The following TNIK variants were observed in gnomAD, a reference collection of about 807,000 sequenced individuals.
TNIK encodes TRAF2 and NCK interacting kinase.
Under a neutral mutation model 191.3 loss-of-function variants are expected in TNIK, and 49 were observed. That is an observed-to-expected ratio of 0.26 (90% CI 0.20 to 0.32). The LOEUF (loss-of-function observed/expected upper bound fraction) is 0.32. Among genes scored for constraint, TNIK ranks in the 10% least tolerant of loss-of-function variants. The pLI is 1.00. For synonymous variants in TNIK, 594 were observed against 600.9 expected, an observed-to-expected ratio of 0.99 and a Z score of 0.17; for missense variants, 1,155 against 1,702.3, an observed-to-expected ratio of 0.68 and a Z score of 5.66.
At chr3:171,072,447 G>A (rs1211694885) in intron 28 of TNIK, among the ~76,000 whole-genome samples, 1 of 151,992 alleles carries the variant, frequency 6.6e-6, no homozygotes, top group Non-Finnish European at 1.5e-5. Context: ...AATAATAAGA[G>A]CCATATATGA....
chr3:171,238,375 A>G (rs1744560341), intron 2 of TNIK, among the ~76,000 whole-genome samples: 1 of 152,054 alleles, frequency 6.6e-6, no homozygotes, highest in Non-Finnish European at 1.5e-5. Context: ...CATTGTAAAT[A>G]TATACATATG....
rs957491812 is a variant in TNIK at position 171,166,898 on chromosome 3, A to AT, written c.949+196dup. 6.8e-4 allele frequency among the ~76,000 whole-genome samples: 103 copies of AT among 152,172 alleles called. 2 individuals carry two copies. The highest frequency in any genetic ancestry group is 6.6e-3 in the Admixed American group (101 of 15,282). ...CAGAGGTAATGTTTCTTGCAGTTCT[A>AT]TTTTTTTCATGAAAGATTCTACTTC... On this transcript the variant is annotated intron_variant, in intron 10 of 32. Coordinates refer to ENST00000436636, the MANE Select transcript of TNIK (RefSeq NM_015028.4).
intron 1 of TNIK, among the ~76,000 whole-genome samples, chr3:171,458,976 GC>G (rs1441573901): frequency 1.3e-5 from 2 of 152,138 alleles, no homozygotes; most frequent in Non-Finnish European, 2.9e-5. Context: ...AGAAAGCTCT[GC>G]CCCCTTCCCC....
chr3:171,243,940 T>A (rs1745275659), intron 2 of TNIK, among the ~76,000 whole-genome samples: 1 of 152,142 alleles, frequency 6.6e-6, no homozygotes, highest in Non-Finnish European at 1.5e-5. Context: ...GAAAGAACCA[T>A]CGATGTTAGA....
At chr3:171,104,374 G>A (rs2108470446) in intron 21 of TNIK, among the ~76,000 whole-genome samples, 1 of 151,110 alleles carries the variant, frequency 6.6e-6, no homozygotes, top group Non-Finnish European at 1.5e-5. Context: ...GAGCCTTCTT[G>A]GTAATTTATT....
chr3:171,408,256 C>T (rs1721958464), intron 1 of TNIK, among the ~76,000 whole-genome samples: 1 of 151,710 alleles, frequency 6.6e-6, no homozygotes. Context: ...CACATTAGGG[C>T]TTTTTTTTCC....
chr3:171,292,033 T>TA (rs1249545660), intron 2 of TNIK, among the ~76,000 whole-genome samples: 1 of 152,230 alleles, frequency 6.6e-6, no homozygotes. Context: ...GAGGATTTTT[T>TA]AAATTTCAGA....
chr3:171,139,615 G>A (rs993419195), intron 13 of TNIK, 59 bp from the exon 14 acceptor site: 3 of 1,569,594 alleles, frequency 1.9e-6, no homozygotes, highest in Middle Eastern at 1.7e-4. Flanking sequence ...AAATGAACCA[G>A]TAATTTCAAA....
At chr3:171,214,850 G>T (rs1301864886) in intron 3 of TNIK, among the ~76,000 whole-genome samples, 3 of 152,116 alleles carry the variant, frequency 2.0e-5, no homozygotes, top group Non-Finnish European at 4.4e-5. Flanking sequence ...GCTTAGAAAT[G>T]ATTAAGTGCT....
At chr3:171,405,956 A>G (rs1253521122) in intron 1 of TNIK, among the ~76,000 whole-genome samples, 1 of 152,218 alleles carries the variant, frequency 6.6e-6, no homozygotes, top group African/African-American at 2.4e-5. Flanking sequence ...AGTCCCCAGA[A>G]GAATCAACCT....
chr3:171,332,445 T>C (rs1387818930), intron 2 of TNIK, among the ~76,000 whole-genome samples: 2 of 152,172 alleles, frequency 1.3e-5, no homozygotes, highest in African/African-American at 2.4e-5. Context: ...AGCCTTTTCT[T>C]AAAGAGCATG....
At chr3:171,311,563 T>C (rs1486085389) in intron 2 of TNIK, among the ~76,000 whole-genome samples, 3 of 152,160 alleles carry the variant, frequency 2.0e-5, no homozygotes, top group Non-Finnish European at 4.4e-5. Flanking sequence ...GATCTGGGTT[T>C]GTCTGATTCC....
Position 171,410,076 on chromosome 3 carries a change from G to C in TNIK, c.58-40391C>G, listed in dbSNP as rs139312927. 7.5e-3 allele frequency among the ~76,000 whole-genome samples: 1,141 copies of C among 151,912 alleles called. 7 individuals carry two copies. Among genetic ancestry groups the C allele is most frequent in the Non-Finnish European group, 0.012 (841 of 67,924 alleles). On this transcript the variant is annotated intron_variant, in intron 1 of 32. Coordinates refer to ENST00000436636, the MANE Select transcript of TNIK (RefSeq NM_015028.4). Reference sequence around the variant, plus strand: ...AGAAGAGAAGCAGCAATTTATACAGGGTTCTTTGGCCCTCTGCCAATCCTA... The same window carrying C: ...AGAAGAGAAGCAGCAATTTATACAGCGTTCTTTGGCCCTCTGCCAATCCTA...
At chr3:171,342,872 T>C (rs1376081740) in intron 2 of TNIK, among the ~76,000 whole-genome samples, 1 of 152,160 alleles carries the variant, frequency 6.6e-6, no homozygotes, top group African/African-American at 2.4e-5. Flanking sequence ...GGGTGTTGGT[T>C]TTTCCCATGC....
At chr3:171,382,385 T>A (rs948814697) in intron 1 of TNIK, among the ~76,000 whole-genome samples, 3 of 152,150 alleles carry the variant, frequency 2.0e-5, no homozygotes, top group Non-Finnish European at 4.4e-5. Flanking sequence ...CATGCTCAGC[T>A]AATTTTTGTA....
intron 2 of TNIK, among the ~76,000 whole-genome samples, chr3:171,359,484 A>G (rs768505965): frequency 5.9e-5 from 9 of 152,116 alleles, no homozygotes; most frequent in Non-Finnish European, 1.0e-4. Context: ...TGTTGTAGAG[A>G]GGAACAAAAT....
In TNIK at chr3:171,460,144, C is replaced by T. The variant is rs920183633; in HGVS notation, c.-81G>A. 3.3e-6 allele frequency: 5 copies of T among 1,529,412 alleles called. No homozygotes were observed. The highest frequency in any genetic ancestry group is 4.4e-6 in the Non-Finnish European group (5 of 1,130,306). The allele number at this position is 1,529,412 out of a possible 1,614,324, so 94.7% of individuals were successfully genotyped here. A position where few individuals can be genotyped will look rare whatever the true frequency, so the allele number is the denominator to read the frequency against. On this transcript the variant is annotated 5_prime_UTR_variant, in exon 1 of 33. Transcript: ENST00000436636. This position sits in a 1 kb window ranked among gnomAD's most constrained non-coding sequence, Gnocchi z 6.8. ...AAATTCCACCTTGGTCTATTTCACT[C>T]GCGTCCTCATGCGGGTGTCGCGCCA...
chr3:171,201,268 G>A (rs934427629), intron 4 of TNIK, among the ~76,000 whole-genome samples: 3 of 152,072 alleles, frequency 2.0e-5, no homozygotes, highest in African/African-American at 7.2e-5. Flanking sequence ...GCGTGGTGGT[G>A]CATGCCTGTA....
chr3:171,440,490 T>C (rs1051667048), intron 1 of TNIK, among the ~76,000 whole-genome samples: 1 of 152,136 alleles, frequency 6.6e-6, no homozygotes, highest in Non-Finnish European at 1.5e-5. Flanking sequence ...AGAGCTGAGC[T>C]CTAGGGGTAA....
Sources: allele counts gnomAD v4.1 joint callset (sites outside exome capture counted in the v4.1 genomes callset), GRCh38; gene constraint gnomAD v4.1.1; non-coding constraint Gnocchi (gnomAD v3.1); transcripts MANE v1.5; gene names NCBI Gene and HGNC (gene_info 2026-07-23, HGNC 2026-07-21).